The following FRYL variants were observed in gnomAD, a reference collection of about 807,000 sequenced individuals.
FRYL encodes the protein FRY like transcription coactivator.
In FRYL, 150 loss-of-function variants were observed where a neutral mutation model predicts 351.2. The ratio of observed to expected loss-of-function variants is 0.43; its 90% confidence interval spans 0.37 to 0.49. FRYL has a LOEUF of 0.49. Among genes scored for constraint, FRYL ranks in the 20% least tolerant of loss-of-function variants. FRYL has a pLI of 0.00. For synonymous variants in FRYL, 1,153 were observed against 1,257.1 expected, an observed-to-expected ratio of 0.92 and a Z score of 1.75; for missense variants, 3,036 against 3,619.3, an observed-to-expected ratio of 0.84 and a Z score of 4.13.
intron 49 of FRYL, among the ~76,000 whole-genome samples, chr4:48,532,196 G>A (rs1727811325): frequency 6.7e-6 from 1 of 150,256 alleles, no homozygotes; most frequent in Non-Finnish European, 1.5e-5. Flanking sequence ...ATCTGAGGAA[G>A]GAAAAATAAC....
At chr4:48,681,087 C>T (rs1407198880) in intron 3 of FRYL, 15 of 1,267,788 alleles carry the variant, frequency 1.2e-5, no homozygotes, top group East Asian at 5.8e-5. Context: ...CCACATCTCC[C>T]GAAAGAATGG....
chr4:48,625,612 G>A (rs137953104), intron 4 of FRYL, among the ~76,000 whole-genome samples: 2 of 152,266 alleles, frequency 1.3e-5, no homozygotes, highest in East Asian at 3.9e-4. Context: ...ATGATTTAAA[G>A]TATACAGGAG....
At chr4:48,555,741 C>G (rs1412600478) in intron 35 of FRYL, among the ~76,000 whole-genome samples, 1 of 152,242 alleles carries the variant, frequency 6.6e-6, no homozygotes, top group African/African-American at 2.4e-5. Context: ...CATACACCTA[C>G]AGTTCTCTAA....
chr4:48,524,615 AT>A, intron 53 of FRYL, among the ~76,000 whole-genome samples: 1 of 152,256 alleles, frequency 6.6e-6, no homozygotes, highest in East Asian at 1.9e-4. Flanking sequence ...TGTATCGCTG[AT>A]TTGGCGTAAT....
At chr4:48,705,102 C>T (rs554795170) in intron 2 of FRYL, among the ~76,000 whole-genome samples, 4 of 152,212 alleles carry the variant, frequency 2.6e-5, no homozygotes, top group South Asian at 2.1e-4. Context: ...GCCTGGGTGA[C>T]GGTGAGACTG....
intron 2 of FRYL, among the ~76,000 whole-genome samples, chr4:48,690,719 G>A (rs1303670846): frequency 6.6e-6 from 1 of 152,096 alleles, no homozygotes; most frequent in African/African-American, 2.4e-5. Context: ...TAATCAATGT[G>A]TTAACCTTTT....
At chr4:48,776,818 A>G (rs1215526275) in intron 1 of FRYL, among the ~76,000 whole-genome samples, 1 of 152,202 alleles carries the variant, frequency 6.6e-6, no homozygotes, top group African/African-American at 2.4e-5. Flanking sequence ...TCTACCCCCA[A>G]AACTACTTTA....
At chr4:48,614,307 G>A (rs976206080) in intron 7 of FRYL, among the ~76,000 whole-genome samples, 6 of 152,052 alleles carry the variant, frequency 3.9e-5, no homozygotes, top group African/African-American at 1.4e-4. Context: ...CAAAGAAAAC[G>A]TTCTACTTTC....
chr4:48,561,398 A>G (rs1735473372), intron 33 of FRYL, 70 bp downstream of exon 33: 1 of 1,034,494 alleles, frequency 9.7e-7, no homozygotes, highest in African/African-American at 1.6e-5. Context: ...ATAAATTTAT[A>G]ATTTTCTAAA....
intron 1 of FRYL, among the ~76,000 whole-genome samples, chr4:48,731,384 T>G (rs1172388533): frequency 1.3e-5 from 2 of 152,192 alleles, no homozygotes; most frequent in African/African-American, 2.4e-5. Flanking sequence ...GATTCCATGC[T>G]ATCCCCATCA....
intron 16 of FRYL, among the ~76,000 whole-genome samples, chr4:48,591,459 A>T (rs1054223573): frequency 6.6e-6 from 1 of 152,154 alleles, no homozygotes; most frequent in Non-Finnish European, 1.5e-5. Context: ...CCCTGAAGCC[A>T]TTCTCACTCA....
chr4:48,634,239 T>G, intron 4 of FRYL, 52 bp downstream of exon 4: 1 of 1,300,958 alleles, frequency 7.7e-7, no homozygotes, highest in East Asian at 2.3e-5. Context: ...ATTATAGTGG[T>G]TAATACAAAA....
intron 3 of FRYL, among the ~76,000 whole-genome samples, chr4:48,646,856 A>G (rs1327186604): frequency 6.6e-6 from 1 of 152,206 alleles, no homozygotes; most frequent in Non-Finnish European, 1.5e-5. Context: ...TGGTACCTAG[A>G]GAATATGATA....
At chr4:48,640,581 C>T (rs1755126331) in intron 3 of FRYL, among the ~76,000 whole-genome samples, 1 of 152,096 alleles carries the variant, frequency 6.6e-6, no homozygotes, top group African/African-American at 2.4e-5. Flanking sequence ...GGATACATGT[C>T]ATTATACATC....
chr4:48,756,215 A>C (rs1773756691), intron 1 of FRYL, among the ~76,000 whole-genome samples: 2 of 151,438 alleles, frequency 1.3e-5, no homozygotes, highest in South Asian at 4.2e-4. Context: ...CCTAGGCAAC[A>C]GAGCAAGACT....
At chr4:48,651,043 A>T (rs1412817704) in intron 3 of FRYL, among the ~76,000 whole-genome samples, 2 of 151,850 alleles carry the variant, frequency 1.3e-5, no homozygotes, top group African/African-American at 4.8e-5. Flanking sequence ...ACTCAGAAAA[A>T]TCCCTTTCCC....
chr4:48,754,516 T>C (rs529888342), intron 1 of FRYL, among the ~76,000 whole-genome samples: 2 of 152,294 alleles, frequency 1.3e-5, no homozygotes, highest in Admixed American at 6.5e-5. Flanking sequence ...GGTAGAATAT[T>C]TGAGTCATAT....
chr4:48,744,333 T>C (rs1464874392), intron 1 of FRYL, among the ~76,000 whole-genome samples: 1 of 152,040 alleles, frequency 6.6e-6, no homozygotes, highest in African/African-American at 2.4e-5. Flanking sequence ...TTATATATTG[T>C]TGAAGGAGGG....
In FRYL at chr4:48,515,017, T is replaced by C. The variant is rs534670239; in HGVS notation, c.7937+11A>G. On this transcript the variant is annotated intron_variant, in intron 56 of 63. Coordinates refer to ENST00000358350, the MANE Select transcript of FRYL (RefSeq NM_015030.2). ...CCCCTCACTACAGTGTTTATGATAC[T>C]GTATTCTCACCTAGACAGTCCGGAG... is the stretch of plus-strand genomic sequence containing the variant. The C allele has an allele frequency of 2.5e-6, 4 of 1,610,400 alleles. No individual in the cohort carries two copies. The highest frequency in any genetic ancestry group is 2.7e-5 in the African/African-American group (2 of 74,810).
Sources: gnomAD v4.1 joint callset for allele counts (sites outside exome capture counted in the v4.1 genomes callset) on GRCh38, gnomAD v4.1.1 for gene constraint, MANE v1.5 for transcripts, NCBI Gene and HGNC (gene_info 2026-07-23, HGNC 2026-07-21) for gene names.